SOS2: variants seen among roughly 807,000 people sequenced by gnomAD.
The protein encoded by SOS2 is SOS Ras/Rho guanine nucleotide exchange factor 2.
A neutral mutation model predicts 148.2 loss-of-function variants in SOS2; 65 were observed. The observed-to-expected ratio is 0.44, with a 90% confidence interval of 0.36 to 0.54. The LOEUF is 0.54. Ranked by LOEUF, SOS2 falls within the 20% of genes least tolerant of loss-of-function variation. The pLI is 0.00. For missense variants in SOS2, 1,341 were observed against 1,590.2 expected (o/e 0.84, Z 2.67); for synonymous variants, 539 against 537.1 (o/e 1.00, Z -0.05).
At chr14:50,213,002 T>C (rs1886928926) in intron 1 of SOS2, among the ~76,000 whole-genome samples, 1 of 152,228 alleles carries the variant, frequency 6.6e-6, no homozygotes, top group Non-Finnish European at 1.5e-5. Flanking sequence ...TCACGTAGTC[T>C]TTCTCATTAA....
At chr14:50,222,160 G>A (rs993506271) in intron 1 of SOS2, among the ~76,000 whole-genome samples, 1 of 152,032 alleles carries the variant, frequency 6.6e-6, no homozygotes, top group Non-Finnish European at 1.5e-5. Context: ...AAAGACTGAT[G>A]CAACTGTTTT....
In SOS2 at chr14:50,159,651, A is replaced by G. The variant is rs1317092735; in HGVS notation, c.1632T>C (p.Tyr544=). The change falls in exon 10 of 23, where the codon TAT becomes TAC. Residue 544 remains tyrosine, a synonymous_variant. Coordinates refer to ENST00000216373, the MANE Select transcript of SOS2 (RefSeq NM_006939.4). The part of the protein sequence containing the change: ...NWMAALISLH[Y]RSTLDRMLDS... ...CTAACATTCGATCTAGAGTACTACG[A>G]TAATGAAGAGAAATAAGGGCTGCCA... 1 of 1,613,838 alleles carries G rather than the reference A, an allele frequency of 6.2e-7. No homozygotes were observed.
intron 7 of SOS2, 128 bp downstream of exon 7, chr14:50,180,444 T>C: frequency 1.7e-6 from 1 of 577,748 alleles, no homozygotes; most frequent in Non-Finnish European, 3.0e-6. Flanking sequence ...CCAAAACAGG[T>C]TTAGAATGAA....
rs138133010 is a variant in SOS2 at position 50,118,599 on chromosome 14, C to T, written c.3744G>A (p.Trp1248Ter). Residue 1248 changes from tryptophan (W) to a stop codon, truncating the protein, a stop_gained, in exon 23 of 23, where the codon TGG (tryptophan) becomes TGA (stop). Coordinates refer to ENST00000216373, the MANE Select transcript of SOS2 (RefSeq NM_006939.4). LOFTEE classifies it high-confidence loss of function. ...TTGGACACGTACTAATGTCTCTGAG[C>T]CAGTCTGAATCTCTGTGAAGATGCC... ...PLGHLHRDSDWLRDISTCPNS... is the reference protein window; with the variant it reads ...PLGHLHRDSD 1 of 1,614,030 alleles carries T rather than the reference C, an allele frequency of 6.2e-7. No individual in the cohort carries two copies. Among genetic ancestry groups the T allele is most frequent in the Non-Finnish European group, 8.5e-7 (1 of 1,180,018 alleles).
chr14:50,231,200 C>G lies in SOS2; in HGVS notation c.84G>C (p.Arg28=). 1 of 1,476,550 alleles carries G rather than the reference C, an allele frequency of 6.8e-7. No homozygotes were observed. The highest frequency in any genetic ancestry group is 9.1e-7 in the Non-Finnish European group (1 of 1,098,418). The allele number at this position is 1,476,550 out of a possible 1,614,324, so 91.5% of individuals were successfully genotyped here. The change falls in exon 1 of 23, where the codon CGG becomes CGC. Residue 28 remains arginine, a synonymous_variant. Coordinates refer to ENST00000216373, the MANE Select transcript of SOS2 (RefSeq NM_006939.4). ...CCGCCCCGCCCCTAGCACTGACCTT[C>G]CGCAGGGCCGAGACCAACAGTCCCC... The part of the protein sequence containing the change: ...KWRGLLVSAL[R]KVQEQVHPTL...
intron 2 of SOS2, among the ~76,000 whole-genome samples, chr14:50,203,259 T>C (rs1886553216): frequency 6.6e-6 from 1 of 152,088 alleles, no homozygotes; most frequent in African/African-American, 2.4e-5. Flanking sequence ...TCCCAGCTGC[T>C]TGGGAGGCTG....
chr14:50,212,554 G>A (rs1016850252), intron 1 of SOS2, among the ~76,000 whole-genome samples: 1 of 152,198 alleles, frequency 6.6e-6, no homozygotes, highest in Admixed American at 6.5e-5. Context: ...TGCTGACAAT[G>A]TTCTGTCTTC....
chr14:50,131,846 C>T (rs553908542), intron 19 of SOS2, among the ~76,000 whole-genome samples: 1 of 152,278 alleles, frequency 6.6e-6, no homozygotes, highest in Admixed American at 6.5e-5. Context: ...AGATCATCAA[C>T]ATCAATTTCT....
chr14:50,180,284 AT>A (rs1333131075), intron 7 of SOS2, among the ~76,000 whole-genome samples: 1 of 148,690 alleles, frequency 6.7e-6, no homozygotes, highest in African/African-American at 2.5e-5. Context: ...GATTCTAGGC[AT>A]GAGTCACTGC....
At chr14:50,172,505 C>T (rs7150607) in intron 8 of SOS2, among the ~76,000 whole-genome samples, 86,798 of 143,650 alleles carry the variant, frequency 0.6, 26,760 homozygotes, top group Middle Eastern at 0.69. Context: ...GGATTACAGG[C>T]ATGTGCCACC....
At chr14:50,165,796 A>C (rs1885145441) in intron 8 of SOS2, among the ~76,000 whole-genome samples, 1 of 152,268 alleles carries the variant, frequency 6.6e-6, no homozygotes, top group East Asian at 1.9e-4. Flanking sequence ...TGCTCTGTGC[A>C]CGCTCTTTTA....
In SOS2 at chr14:50,129,944, A is replaced by G. The variant is rs999509675; in HGVS notation, c.3379+17T>C. ...TTTACAGTCATTTCATTAAGAATCA[A>G]CTTAAATTATACTTACTTGAATGTG... On this transcript the variant is annotated intron_variant, in intron 21 of 22. Coordinates refer to ENST00000216373, the MANE Select transcript of SOS2 (RefSeq NM_006939.4). The G allele has an allele frequency of 1.3e-5, 20 of 1,503,892 alleles. No individual in the cohort carries two copies. The highest frequency in any genetic ancestry group is 1.7e-5 in the Non-Finnish European group (18 of 1,088,118). The allele number at this position is 1,503,892 out of a possible 1,614,324, so 93.2% of individuals were successfully genotyped here.
chr14:50,209,899 T>C (rs12879091), intron 1 of SOS2, among the ~76,000 whole-genome samples: 133,132 of 152,210 alleles, frequency 0.87, 58,338 homozygotes, highest in East Asian at 0.91. Context: ...GATGATACCA[T>C]GTTGGTGAAC....
intron 5 of SOS2, among the ~76,000 whole-genome samples, chr14:50,185,080 G>GT (rs1431029277): frequency 6.6e-6 from 1 of 151,998 alleles, no homozygotes; most frequent in Non-Finnish European, 1.5e-5. Context: ...ACTGGTAAAC[G>GT]TGTTTCCCTG....
chr14:50,161,696 T>A, intron 8 of SOS2, 87 bp from the exon 9 acceptor site: 3 of 1,198,206 alleles, frequency 2.5e-6, no homozygotes, highest in Non-Finnish European at 3.5e-6. Context: ...GCAACAAATA[T>A]TATCAACTCT....
intron 2 of SOS2, among the ~76,000 whole-genome samples, 160 bp from the exon 3 acceptor site, chr14:50,201,244 A>C (rs1566477548): frequency 6.6e-6 from 1 of 152,144 alleles, no homozygotes; most frequent in Non-Finnish European, 1.5e-5. Context: ...GCTTAAAAAA[A>C]AGGTCAGGCT....
At chr14:50,206,310 C>T (rs1490642074) in intron 1 of SOS2, among the ~76,000 whole-genome samples, 1 of 152,184 alleles carries the variant, frequency 6.6e-6, no homozygotes, top group African/African-American at 2.4e-5. Flanking sequence ...TCATCCAGTT[C>T]AAAATACAGT....
chr14:50,155,056 T>C (rs1884771627), intron 12 of SOS2, among the ~76,000 whole-genome samples: 1 of 151,890 alleles, frequency 6.6e-6, no homozygotes, highest in Non-Finnish European at 1.5e-5. Flanking sequence ...TCAAAATTCA[T>C]ACAAAAAAAT....
chr14:50,186,507 C>A (rs1165556205), intron 5 of SOS2, among the ~76,000 whole-genome samples: 3 of 151,884 alleles, frequency 2.0e-5, no homozygotes, highest in Non-Finnish European at 4.4e-5. Flanking sequence ...TCCAGCTAGG[C>A]ACAGTGGCTC....
Sources: gnomAD v4.1 joint callset for allele counts (sites outside exome capture counted in the v4.1 genomes callset) on GRCh38, gnomAD v4.1.1 for gene constraint, MANE v1.5 for transcripts, NCBI Gene and HGNC (gene_info 2026-07-23, HGNC 2026-07-21) for gene names.